ABLIM1: variants seen among roughly 807,000 people sequenced by gnomAD.
ABLIM1 encodes actin-binding LIM protein 1.
In ABLIM1, 40 loss-of-function variants were observed where a neutral mutation model predicts 107.0. The ratio of observed to expected loss-of-function variants is 0.37; its 90% CI spans 0.29 to 0.49. ABLIM1 has a LOEUF of 0.49. Among genes scored for constraint, ABLIM1 ranks in the 20% least tolerant of loss-of-function variants. The probability of loss-of-function intolerance (pLI) is 0.97; values close to 1 mark genes in which losing one functional copy is unlikely to be tolerated. For missense variants in ABLIM1, 857 were observed against 1,008.5 expected, an observed-to-expected ratio of 0.85 and a Z score of 2.04; for synonymous variants, 357 against 357.3, an observed-to-expected ratio of 1.00 and a Z score of 0.01.
intron 1 of ABLIM1, among the ~76,000 whole-genome samples, chr10:114,610,289 T>C (rs1591571704): frequency 6.6e-6 from 1 of 152,214 alleles, no homozygotes; most frequent in Non-Finnish European, 1.5e-5. Context: ...ACCTCCAGCC[T>C]GAGCAGAGGC....
intron 6 of ABLIM1, among the ~76,000 whole-genome samples, chr10:114,533,783 C>T (rs1296402155): frequency 6.6e-6 from 1 of 152,148 alleles, no homozygotes; most frequent in Non-Finnish European, 1.5e-5. Flanking sequence ...CTCTAGCAGT[C>T]CCCCTGCTTC....
At chr10:114,601,046 C>T in intron 2 of ABLIM1, among the ~76,000 whole-genome samples, 1 of 131,970 alleles carries the variant, frequency 7.6e-6, no homozygotes, top group Non-Finnish European at 1.6e-5. Context: ...TCTCACATCT[C>T]AATACACACA....
intron 1 of ABLIM1, chr10:114,767,999 C>A: frequency 4.8e-6 from 2 of 418,628 alleles, no homozygotes; most frequent in Non-Finnish European, 9.5e-6. Flanking sequence ...AGCCCCCCCG[C>A]CCTCCCGCAC....
intron 2 of ABLIM1, among the ~76,000 whole-genome samples, chr10:114,582,103 A>G (rs1174911609): frequency 6.6e-6 from 1 of 152,200 alleles, no homozygotes; most frequent in African/African-American, 2.4e-5. Flanking sequence ...ATATGATTCT[A>G]TACCTGGAAA....
intron 1 of ABLIM1, among the ~76,000 whole-genome samples, chr10:114,700,807 T>C (rs2081293962): frequency 6.6e-6 from 1 of 152,130 alleles, no homozygotes; most frequent in African/African-American, 2.4e-5. Flanking sequence ...GAATCATAGA[T>C]GTAAACTTAA....
At chr10:114,608,457 G>A (rs1258512955) in intron 1 of ABLIM1, among the ~76,000 whole-genome samples, 1 of 152,148 alleles carries the variant, frequency 6.6e-6, no homozygotes, top group Non-Finnish European at 1.5e-5. Context: ...ATCACCTGAG[G>A]TTGGGAGTTC....
chr10:114,462,210 G>A (rs918815252), intron 12 of ABLIM1, among the ~76,000 whole-genome samples: 7 of 152,278 alleles, frequency 4.6e-5, no homozygotes, highest in African/African-American at 1.7e-4. Flanking sequence ...AGTCCTTTAG[G>A]ACTGTTTTAA....
At chr10:114,744,397 G>C (rs948575639) in intron 1 of ABLIM1, among the ~76,000 whole-genome samples, 2 of 152,074 alleles carry the variant, frequency 1.3e-5, no homozygotes, top group African/African-American at 2.4e-5. Context: ...GATACGACCG[G>C]AAAAATGCAA....
At position 114,616,368 on chromosome 10, in the gene ABLIM1, T is replaced by C. The variant is rs2077132082; in HGVS notation, c.245-14407A>G. ...CTCAAACACTTTACAACTGTTCATA[T>C]GATGCCATCATGTTCCCGCATCAAA... On this transcript the variant is annotated intron_variant, in intron 1 of 22. Transcript: ENST00000533213. 3.9e-5 allele frequency among the ~76,000 whole-genome samples: 6 copies of C among 152,230 alleles called. No individual in the cohort carries two copies. In the South Asian group the frequency reaches 1.2e-3, roughly 32 times the overall value.
At chr10:114,754,893 A>G (rs2082595441) in intron 1 of ABLIM1, among the ~76,000 whole-genome samples, 1 of 152,102 alleles carries the variant, frequency 6.6e-6, no homozygotes, top group African/African-American at 2.4e-5. Context: ...AGCAGAGCAC[A>G]CTCACTGCAT....
chr10:114,689,650 C>T (rs1303365660), upstream of ABLIM1, among the ~76,000 whole-genome samples: 1 of 152,090 alleles, frequency 6.6e-6, no homozygotes, highest in East Asian at 1.9e-4. Flanking sequence ...GTATGAGCCA[C>T]CGCACCTGGC....
intron 12 of ABLIM1, among the ~76,000 whole-genome samples, chr10:114,463,341 G>A (rs910008704): frequency 1.3e-5 from 2 of 152,164 alleles, no homozygotes; most frequent in African/African-American, 4.8e-5. Flanking sequence ...TAAGGCTGAG[G>A]CAAAGTAGGG....
At chr10:114,585,616 G>A (rs2074097974) in intron 2 of ABLIM1, among the ~76,000 whole-genome samples, 1 of 151,944 alleles carries the variant, frequency 6.6e-6, no homozygotes, top group Non-Finnish European at 1.5e-5. Flanking sequence ...TTGCATGTAA[G>A]CCCCCCACAT....
chr10:114,772,870 G>A (rs900405779), upstream of ABLIM1, among the ~76,000 whole-genome samples: 3 of 151,976 alleles, frequency 2.0e-5, no homozygotes, highest in Non-Finnish European at 4.4e-5. Context: ...GCCAACACCA[G>A]ACTATCAAAA....
At chr10:114,588,988 A>G (rs2074511338) in intron 2 of ABLIM1, among the ~76,000 whole-genome samples, 3 of 152,138 alleles carry the variant, frequency 2.0e-5, no homozygotes, top group African/African-American at 7.2e-5. Context: ...TGCCTGTACA[A>G]TGATGGTCTC....
intron 9 of ABLIM1, 105 bp downstream of exon 9, chr10:114,473,774 T>C (rs918001782): frequency 3.5e-6 from 3 of 851,730 alleles, no homozygotes; most frequent in East Asian, 2.5e-5. Flanking sequence ...ATAACAAAAA[T>C]AGAAATCACT....
intron 1 of ABLIM1, among the ~76,000 whole-genome samples, chr10:114,655,477 T>A (rs940613413): frequency 6.6e-6 from 1 of 152,200 alleles, no homozygotes; most frequent in African/African-American, 2.4e-5. Context: ...TCCAAAAATA[T>A]CTGATTTGAG....
chr10:114,563,802 C>G lies in ABLIM1; in HGVS notation c.673+7495G>C, dbSNP rs7923416. On this transcript the variant is annotated intron_variant, in intron 4 of 22. Coordinates refer to ENST00000533213, the MANE Select transcript of ABLIM1 (RefSeq NM_002313.7). The stretch of plus-strand genomic sequence containing the variant: ...CGGAAGTCGCAGTGAGCCAAGATTG[C>G]ACCACTGTACTCCAGCCTGGGTGAC... Among the ~76,000 whole-genome samples the G allele has an allele frequency of 6.1e-3, 872 of 143,244 alleles. 10 individuals carry two copies. Among genetic ancestry groups the G allele is most frequent in the African/African-American group, 0.022 (840 of 37,878 alleles). 94.0% of individuals were successfully genotyped at this position (143,244 alleles called of 152,430 possible).
Position 114,487,984 on chromosome 10 carries a change from A to G in ABLIM1, c.1015T>C (p.Ser339Pro). The stretch of plus-strand genomic sequence containing the variant: ...CGCAGCTTTTCCTCGGTCTTCGTAG[A>G]TTGCTTACAGTCGGGATGCCAAACG... ...STVWHPDCKQSTKTEEKLRPT... is the reference protein window; with the variant it reads ...STVWHPDCKQPTKTEEKLRPT... The change falls in exon 8 of 23, where the codon TCT becomes CCT. Residue 339 changes from serine (S) to proline (P), a missense_variant. Ser to Pro is a moderately conservative substitution (Grantham distance 74, BLOSUM62 -1). Around this residue, in one of 5 missense-constraint regions of ABLIM1, gnomAD observed 381 missense variants for 506.9 expected, o/e 0.75. Coordinates refer to ENST00000533213, the MANE Select transcript of ABLIM1 (RefSeq NM_002313.7). 1 of 1,614,134 alleles carries G rather than the reference A, an allele frequency of 6.2e-7. No homozygotes were observed. Among genetic ancestry groups the G allele is most frequent in the Non-Finnish European group, 8.5e-7 (1 of 1,180,022 alleles).
Sources: allele counts gnomAD v4.1 joint callset (sites outside exome capture counted in the v4.1 genomes callset), GRCh38; gene constraint gnomAD v4.1.1; regional missense constraint gnomAD v4.1.1; transcripts MANE v1.5; gene names NCBI Gene and HGNC (gene_info 2026-07-23, HGNC 2026-07-21).